The following RGMA variants were observed in gnomAD, a reference collection of about 807,000 sequenced individuals.
RGMA encodes the protein repulsive guidance molecule A.
In RGMA, 10 loss-of-function variants were observed where a neutral mutation model predicts 23.2. That is an observed-to-expected ratio of 0.43 (90% CI 0.27 to 0.73). RGMA has a LOEUF of 0.73. Ranked by LOEUF, RGMA falls within the 30% of genes least tolerant of loss-of-function variation. RGMA has a pLI of 0.20. For missense variants in RGMA, 547 were observed against 630.5 expected, an observed-to-expected ratio of 0.87 and a Z score of 1.42; for synonymous variants, 308 against 279.3, an observed-to-expected ratio of 1.10 and a Z score of -1.03.
chr15:93,073,507 C>T (rs1182665912), intron 1 of RGMA: 8 of 1,371,958 alleles, frequency 5.8e-6, no homozygotes, highest in Non-Finnish European at 7.9e-6. Context: ...TTAATCCCCT[C>T]CACGAATATC....
intron 2 of RGMA, among the ~76,000 whole-genome samples, chr15:93,070,879 A>C (rs752471854): frequency 6.6e-6 from 1 of 152,234 alleles, no homozygotes. Context: ...ATAACCTACC[A>C]GTGTTCCTCA....
chr15:93,048,795 G>C (rs1277748763), intron 3 of RGMA, among the ~76,000 whole-genome samples: 1 of 152,006 alleles, frequency 6.6e-6, no homozygotes, highest in East Asian at 1.9e-4. Flanking sequence ...GGGGGTGCCG[G>C]AGGTGGGCCA....
chr15:93,041,295 C>T lies in RGMA; in HGVS notation c.*3703G>A, dbSNP rs1451575405. Reference sequence around the variant, plus strand: ...GACAGGATGGGGCGGGGAGAGGCGCCCACCTCCGTGTGCTAATGCATTTAC... The same window carrying T: ...GACAGGATGGGGCGGGGAGAGGCGCTCACCTCCGTGTGCTAATGCATTTAC... On this transcript the variant is annotated 3_prime_UTR_variant, in exon 4 of 4. Transcript: ENST00000329082. 6.6e-6 allele frequency: 1 copy of T among 152,274 alleles called. No homozygotes were observed. The allele number at this position is 152,274 out of a possible 1,614,324, so 9.4% of individuals were successfully genotyped here.
chr15:93,073,212 T>C, intron 1 of RGMA, 181 bp from the exon 2 acceptor site: 3 of 1,139,854 alleles, frequency 2.6e-6, no homozygotes, highest in Non-Finnish European at 3.2e-6. Context: ...CATCACTCGG[T>C]TCTCCGCCAA....
intron 1 of RGMA, chr15:93,088,607 G>T: frequency 1.9e-6 from 2 of 1,069,082 alleles, no homozygotes; most frequent in Non-Finnish European, 2.3e-6. Context: ...CCGCGAGCCG[G>T]GCTGAGGGAA....
intron 1 of RGMA, among the ~76,000 whole-genome samples, chr15:93,087,459 ATGTG>A (rs1895652719): frequency 2.9e-5 from 3 of 104,836 alleles, no homozygotes; most frequent in Non-Finnish European, 3.8e-5. Context: ...CCTTCTTTGT[ATGTG>A]CAAAAAAAAA....
chr15:93,081,879 G>C (rs1360811426), intron 1 of RGMA, among the ~76,000 whole-genome samples: 1 of 152,248 alleles, frequency 6.6e-6, no homozygotes, highest in Non-Finnish European at 1.5e-5. Context: ...GTCACCTTAT[G>C]TGACATTCAC....
rs543712059 is a variant in RGMA at position 93,052,189 on chromosome 15, C to T, written c.449G>A (p.Ser150Asn). The change falls in exon 3 of 4, where the codon AGC becomes AAC. Residue 150 changes from serine to asparagine, a missense_variant. Transcript: ENST00000329082. ...GGGGGTGGCCGAGTGCTTGTGAAAG[C>T]TCTTCTCGTAATGGCAGATCTCGGG... ...DSPEICHYEKSFHKHSATPNY... is the reference protein window; with the variant it reads ...DSPEICHYEKNFHKHSATPNY... 1 of 1,611,962 alleles carries T rather than the reference C, an allele frequency of 6.2e-7. No individual in the cohort carries two copies. The highest frequency in any genetic ancestry group is 1.1e-5 in the South Asian group (1 of 91,074).
In RGMA at chr15:93,076,816, C is replaced by T. The variant is rs962044022; in HGVS notation, c.15-3785G>A. 7.9e-5 allele frequency among the ~76,000 whole-genome samples: 12 copies of T among 152,182 alleles called. No individual in the cohort carries two copies. The South Asian group carries it at 1.7e-3, about 21-fold the overall frequency. On this transcript the variant is annotated intron_variant, in intron 1 of 3. Coordinates refer to ENST00000329082, the MANE Select transcript of RGMA (RefSeq NM_020211.3). ...CAAGCTGGCCGAACCCCATGCTTGGCGTACTGTGTGTGCCATTCATTCCAA... is the reference window on the plus strand; with the variant it reads ...CAAGCTGGCCGAACCCCATGCTTGGTGTACTGTGTGTGCCATTCATTCCAA...
intron 3 of RGMA, among the ~76,000 whole-genome samples, chr15:93,049,846 G>A (rs899305939): frequency 6.6e-6 from 1 of 152,214 alleles, no homozygotes; most frequent in Non-Finnish European, 1.5e-5. Flanking sequence ...AAGGGGAGTG[G>A]GTTCCAGTGG....
At chr15:93,075,649 G>A (rs369589922) in intron 1 of RGMA, among the ~76,000 whole-genome samples, 41 of 151,956 alleles carry the variant, frequency 2.7e-4, no homozygotes, top group Admixed American at 9.8e-4. Context: ...TGTAAGGATC[G>A]GGCTGATAAT....
chr15:93,073,725 G>A, intron 1 of RGMA: 1 of 1,537,214 alleles, frequency 6.5e-7, no homozygotes. Context: ...GCACCTCGAG[G>A]TTCCCGCCCG....
At chr15:93,087,358 A>G (rs897429843) in intron 1 of RGMA, among the ~76,000 whole-genome samples, 3 of 149,292 alleles carry the variant, frequency 2.0e-5, no homozygotes, top group African/African-American at 7.4e-5. Flanking sequence ...AGAACTTGCC[A>G]TCCAGCCACG....
At chr15:93,088,849 C>A in intron 1 of RGMA, 70 bp downstream of exon 1, 1 of 1,385,560 alleles carries the variant, frequency 7.2e-7, no homozygotes, top group Non-Finnish European at 9.7e-7. Context: ...AGCGCCGTGG[C>A]CCCGGCATGT....
chr15:93,080,189 T>G (rs544511479), intron 1 of RGMA, among the ~76,000 whole-genome samples: 1 of 152,068 alleles, frequency 6.6e-6, no homozygotes, highest in African/African-American at 2.4e-5. Context: ...ATTCCAAAAT[T>G]TTAATGGGTT....
intron 1 of RGMA, among the ~76,000 whole-genome samples, chr15:93,084,596 C>T (rs371176425): frequency 6.6e-5 from 10 of 152,066 alleles, no homozygotes; most frequent in East Asian, 1.9e-4. Flanking sequence ...TCTCAGCCAC[C>T]GGAGTAGCTG....
chr15:93,072,785 C>G (rs3752102), intron 2 of RGMA, 131 bp downstream of exon 2: 4 of 1,000,338 alleles, frequency 4.0e-6, no homozygotes, highest in Non-Finnish European at 4.3e-6. Flanking sequence ...ACAAAAGACC[C>G]GTGGAAATAG....
At chr15:93,071,924 C>T (rs1044870770) in intron 2 of RGMA, among the ~76,000 whole-genome samples, 14 of 152,266 alleles carry the variant, frequency 9.2e-5, no homozygotes, top group Middle Eastern at 3.4e-3. Flanking sequence ...TCCCGCCTTG[C>T]GCCGGGGGGG....
In RGMA at chr15:93,037,648, T is replaced by G. The variant is rs1276942621; in HGVS notation, c.*7350A>C. 1 of 152,174 alleles carries G rather than the reference T, an allele frequency of 6.6e-6. No individual in the cohort carries two copies. The highest frequency in any genetic ancestry group is 2.4e-5 in the African/African-American group (1 of 41,428). 9.4% of individuals were successfully genotyped at this position (152,174 alleles called of 1,614,324 possible). A position where few individuals can be genotyped will look rare whatever the true frequency, so the allele number is the denominator to read the frequency against. ...CTTGTTGCACAGATGGAGCTCAGAG[T>G]GAGCTCAAAACCAATTCCCCAGACA... On this transcript the variant is annotated 3_prime_UTR_variant, in exon 4 of 4. Coordinates refer to ENST00000329082, the MANE Select transcript of RGMA (RefSeq NM_020211.3). The surrounding 1 kb of genome is among the most constrained non-coding windows in gnomAD (Gnocchi z 4.3).
Sources: gnomAD v4.1 joint callset for allele counts (sites outside exome capture counted in the v4.1 genomes callset) on GRCh38, gnomAD v4.1.1 for gene constraint, Gnocchi (gnomAD v3.1) non-coding constraint, MANE v1.5 for transcripts, NCBI Gene and HGNC (gene_info 2026-07-23, HGNC 2026-07-21) for gene names.